MEIOSIN: variants seen among roughly 807,000 people sequenced by gnomAD.
MEIOSIN encodes the protein meiosis initiator, also known as meiosis initiator protein.
MEIOSIN carries 18 observed loss-of-function variants against 23.4 expected under a neutral mutation model. The observed-to-expected ratio is 0.77, with a 90% CI of 0.53 to 1.14. The LOEUF (loss-of-function observed/expected upper bound fraction) is 1.14. MEIOSIN is among the 50% of genes most tolerant of loss of function. The pLI is 0.00. For missense variants in MEIOSIN, 428 were observed against 242.9 expected, an observed-to-expected ratio of 1.76 and a Z score of -5.07; for synonymous variants, 187 against 100.6, an observed-to-expected ratio of 1.86 and a Z score of -5.14.
At chr19:45,757,035 T>A (rs1968843792) in intron 8 of MEIOSIN, 142 bp from the exon 9 acceptor site, 2 of 582,976 alleles carry the variant, frequency 3.4e-6, no homozygotes, top group African/African-American at 3.7e-5. Context: ...GACTGTAAGC[T>A]CCCTGAGGAT....
intron 14 of MEIOSIN, 40 bp from the exon 15 acceptor site, chr19:45,763,931 C>T (rs2146203447): frequency 7.5e-6 from 3 of 398,650 alleles, no homozygotes; most frequent in South Asian, 1.3e-4. Flanking sequence ...GCCCGGGAGG[C>T]GAGTGAGGAA....
At chr19:45,753,384 C>G (rs1365325356) in intron 5 of MEIOSIN, among the ~76,000 whole-genome samples, 1 of 152,078 alleles carries the variant, frequency 6.6e-6, no homozygotes, top group Non-Finnish European at 1.5e-5. Context: ...GTGAAGCATC[C>G]TCAAGGTGCC....
rs1169452632 is a variant in MEIOSIN, at chr19:45,745,362, G to A, written c.306+41G>A. 16 of 688,412 alleles carry A rather than the reference G, an allele frequency of 2.3e-5. No homozygotes were observed. In the East Asian group the frequency reaches 3.8e-4, roughly 16 times the overall value. The allele number at this position is 688,412 out of a possible 1,614,324, so 42.6% of individuals were successfully genotyped here. A position where few individuals can be genotyped will look rare whatever the true frequency, so the allele number is the denominator to read the frequency against. ...GAGAGGGGCCAGATTTGGGACGCAG[G>A]TCTTTAAATAGCAGCAAATGGGTCA... On this transcript the variant is annotated intron_variant, in intron 4 of 14. Transcript: ENST00000457052.
At chr19:45,757,865 G>A (rs755678859) in intron 9 of MEIOSIN, among the ~76,000 whole-genome samples, 1 of 151,340 alleles carries the variant, frequency 6.6e-6, no homozygotes. Flanking sequence ...ACAAGTTCTC[G>A]CCCTGAGGCT....
rs1046343157 is a variant in MEIOSIN at position 45,733,896 on chromosome 19, G to C, written c.-1+230G>C. 1.3e-5 allele frequency among the ~76,000 whole-genome samples: 2 copies of C among 152,202 alleles called. No homozygotes were observed. Among genetic ancestry groups the C allele is most frequent in the Non-Finnish European group, 2.9e-5 (2 of 68,034 alleles). On this transcript the variant is annotated intron_variant, in intron 1 of 14. Coordinates refer to ENST00000457052, the MANE Select transcript of MEIOSIN (RefSeq NM_001310124.2). The surrounding 1 kb of genome is among the most constrained non-coding windows in gnomAD (Gnocchi z 5.7). ...GACTCTGTTTGTGTTGGGAATCCGGGCTCTCGAGTTCTGATCTGGGATCTC... is the reference window on the plus strand; with the variant it reads ...GACTCTGTTTGTGTTGGGAATCCGGCCTCTCGAGTTCTGATCTGGGATCTC...
chr19:45,763,982 G>A lies in MEIOSIN; in HGVS notation c.1781G>A (p.Arg594His), dbSNP rs775041071. 1.3e-5 allele frequency: 5 copies of A among 398,592 alleles called. No homozygotes were observed. The highest frequency in any genetic ancestry group is 4.1e-5 in the African/African-American group (2 of 48,632). The allele number at this position is 398,592 out of a possible 1,614,324, so 24.7% of individuals were successfully genotyped here. Residue 594 changes from arginine (R) to histidine (H), a missense_variant, in exon 15 of 15, where the codon CGC (arginine) becomes CAC (histidine). Coordinates refer to ENST00000457052, the MANE Select transcript of MEIOSIN (RefSeq NM_001310124.2). Reference protein sequence around the residue: ...QERRPYCTKARRFSRQHNRIV... With the variant: ...QERRPYCTKAHRFSRQHNRIV... Reference sequence around the variant, plus strand: ...CACCGTCTCCCCAGCACCAAGGCTCGCAGGTTCAGCCGCCAGCACAACCGC... The same window carrying A: ...CACCGTCTCCCCAGCACCAAGGCTCACAGGTTCAGCCGCCAGCACAACCGC...
In MEIOSIN at chr19:45,739,736, G is replaced by C; in HGVS notation, c.176+6G>C. ...TTGCTCAAAGGAAAACTGAGGTACT[G>C]TTAACAGAAAAGGGGGGATTGGATG... On this transcript the variant is annotated splice_donor_region_variant and intron_variant, in intron 3 of 14. Coordinates refer to ENST00000457052, the MANE Select transcript of MEIOSIN (RefSeq NM_001310124.2). 1 of 703,508 alleles carries C rather than the reference G, an allele frequency of 1.4e-6. No individual in the cohort carries two copies. The allele number at this position is 703,508 out of a possible 1,614,324, so 43.6% of individuals were successfully genotyped here.
At chr19:45,762,554 T>C (rs998823998) in intron 13 of MEIOSIN, among the ~76,000 whole-genome samples, 1 of 152,168 alleles carries the variant, frequency 6.6e-6, no homozygotes. Flanking sequence ...GCCTCTCAGA[T>C]TCTCCTGCCT....
intron 10 of MEIOSIN, 102 bp downstream of exon 10, chr19:45,759,135 G>A (rs1298315553): frequency 4.5e-6 from 3 of 668,866 alleles, no homozygotes; most frequent in Non-Finnish European, 8.2e-6. Context: ...ATCCTGCCCT[G>A]GCCCTGCCTC....
intron 4 of MEIOSIN, among the ~76,000 whole-genome samples, chr19:45,749,239 G>T (rs1190113075): frequency 1.3e-5 from 2 of 151,928 alleles, no homozygotes; most frequent in Non-Finnish European, 2.9e-5. Context: ...GGGCATGGTG[G>T]CATGCGCCTG....
In MEIOSIN at chr19:45,754,503, C is replaced by T. The variant is rs1234242617; in HGVS notation, c.581C>T (p.Pro194Leu). 1 of 702,866 alleles carries T rather than the reference C, an allele frequency of 1.4e-6. No individual in the cohort carries two copies. The highest frequency in any genetic ancestry group is 2.0e-5 in the Admixed American group (1 of 49,996). The allele number at this position is 702,866 out of a possible 1,614,324, so 43.5% of individuals were successfully genotyped here. A position where few individuals can be genotyped will look rare whatever the true frequency, so the allele number is the denominator to read the frequency against. Residue 194 changes from proline (P) to leucine (L), a missense_variant, in exon 7 of 15, where the codon CCT becomes CTT. Pro to Leu is a moderately conservative substitution (Grantham distance 98). Coordinates refer to ENST00000457052, the MANE Select transcript of MEIOSIN (RefSeq NM_001310124.2). ...GAAAGCCAGACTCGGACCCCGAAGC[C>T]TCGCCGCTCTCTGGCCCTGAACAAG... ...ASESQTRTPK[P>L]RRSLALNKPE...
At position 45,761,992 on chromosome 19, in the gene MEIOSIN, C is replaced by T; in HGVS notation, c.1488C>T (p.Asp496=). 1 of 541,468 alleles carries T rather than the reference C, an allele frequency of 1.8e-6. No homozygotes were observed. The highest frequency in any genetic ancestry group is 3.3e-6 in the Non-Finnish European group (1 of 303,634). 33.5% of individuals were successfully genotyped at this position (541,468 alleles called of 1,614,324 possible). Residue 496 remains aspartate (D), a synonymous_variant, in exon 13 of 15, where the codon GAC becomes GAT. Transcript: ENST00000457052. The stretch of plus-strand genomic sequence containing the variant: ...CGGGCTCCAGCGAAGAGGACGAAGA[C>T]ACCACATGGACCCCCACCCGGCTGG... ...GTPGSSEEDE[D]TTWTPTRLAS... is the part of the protein sequence containing the mutation.
chr19:45,764,396 T>G lies in MEIOSIN; in HGVS notation c.*278T>G, dbSNP rs994754714. ...TCGGAAGGTGAAGTTTACCCACCCC[T>G]CTCCCCTTCCCTTCCCCACCCCAGA... is the stretch of plus-strand genomic sequence containing the variant. On this transcript the variant is annotated 3_prime_UTR_variant, in exon 15 of 15. Coordinates refer to ENST00000457052, the MANE Select transcript of MEIOSIN (RefSeq NM_001310124.2). 12 of 338,402 alleles carry G rather than the reference T, an allele frequency of 3.5e-5. No homozygotes were observed. In the Admixed American group the frequency reaches 4.5e-4, roughly 13 times the overall value. The allele number at this position is 338,402 out of a possible 1,614,324, so 21.0% of individuals were successfully genotyped here. A position where few individuals can be genotyped will look rare whatever the true frequency, so the allele number is the denominator to read the frequency against.
chr19:45,760,552 G>C (rs1394311258), intron 11 of MEIOSIN, among the ~76,000 whole-genome samples: 1 of 151,964 alleles, frequency 6.6e-6, no homozygotes, highest in Non-Finnish European at 1.5e-5. Flanking sequence ...GTTGCAGTAA[G>C]CCAAGATGGC....
At chr19:45,745,094 G>C (rs1968568289) in intron 3 of MEIOSIN, 98 bp from the exon 4 acceptor site, 1 of 674,238 alleles carries the variant, frequency 1.5e-6, no homozygotes, top group Non-Finnish European at 2.7e-6. Context: ...TGGGGTGCGG[G>C]CAGCCCTAAA....
intron 3 of MEIOSIN, among the ~76,000 whole-genome samples, chr19:45,744,710 G>A (rs1454387159): frequency 1.3e-5 from 2 of 148,548 alleles, no homozygotes; most frequent in East Asian, 4.1e-4. Context: ...CGGGTTCAAG[G>A]GATTCTCCTG....
intron 2 of MEIOSIN, among the ~76,000 whole-genome samples, chr19:45,737,766 CT>C (rs1968432927): frequency 1.3e-5 from 2 of 151,816 alleles, no homozygotes; most frequent in African/African-American, 4.8e-5. Context: ...AACTCCATCT[CT>C]ACTAAAAATA....
intron 7 of MEIOSIN, among the ~76,000 whole-genome samples, chr19:45,755,306 C>T (rs946914200): frequency 3.3e-5 from 5 of 151,824 alleles, no homozygotes; most frequent in Admixed American, 6.6e-5. Context: ...CGCACCACCA[C>T]GCCCAGCTAA....
intron 4 of MEIOSIN, among the ~76,000 whole-genome samples, chr19:45,750,390 C>G (rs1479411912): frequency 1.5e-5 from 2 of 137,640 alleles, no homozygotes; most frequent in African/African-American, 2.7e-5. Context: ...GACAGAGTCT[C>G]GCTATGTTGC....
Sources: allele counts gnomAD v4.1 joint callset (sites outside exome capture counted in the v4.1 genomes callset), GRCh38; gene constraint gnomAD v4.1.1; non-coding constraint Gnocchi (gnomAD v3.1); transcripts MANE v1.5; gene names NCBI Gene and HGNC (gene_info 2026-07-23, HGNC 2026-07-21).